Variants in CAMK2D observed in about 807,000 individuals in gnomAD.
The protein encoded by CAMK2D is calcium/calmodulin dependent protein kinase II delta.
CAMK2D carries 37 observed loss-of-function variants against 84.0 expected under a neutral mutation model. That is an observed-to-expected ratio of 0.44 (90% CI 0.34 to 0.58). The LOEUF (loss-of-function observed/expected upper bound fraction) is 0.58, where lower values mean the gene tolerates loss of function less well. CAMK2D is among the 20% of genes least tolerant of loss of function. The probability of loss-of-function intolerance (pLI) is 0.02; values close to 1 mark genes in which losing one functional copy is unlikely to be tolerated. For missense variants in CAMK2D, 448 were observed against 652.5 expected (o/e 0.69, Z 3.41); for synonymous variants, 202 against 212.5 (o/e 0.95, Z 0.43).
At chr4:113,695,494 G>GT (rs1253934580) in intron 2 of CAMK2D, among the ~76,000 whole-genome samples, 6 of 151,986 alleles carry the variant, frequency 3.9e-5, no homozygotes, top group Non-Finnish European at 8.8e-5. Flanking sequence ...TGTTCCTGCA[G>GT]TTTTCCCCAT....
chr4:113,542,001 T>C (rs530482600), intron 6 of CAMK2D, among the ~76,000 whole-genome samples: 1 of 152,362 alleles, frequency 6.6e-6, no homozygotes, highest in Admixed American at 6.5e-5. Context: ...GTATGTGCTA[T>C]AAGTTTGCAA....
intron 4 of CAMK2D, among the ~76,000 whole-genome samples, chr4:113,558,077 G>C (rs1445234454): frequency 6.6e-6 from 1 of 152,084 alleles, no homozygotes; most frequent in Non-Finnish European, 1.5e-5. Context: ...TGGCTGAAAA[G>C]AGTTGGTTAC....
intron 18 of CAMK2D, among the ~76,000 whole-genome samples, chr4:113,459,537 T>C (rs890862016): frequency 6.6e-6 from 1 of 152,184 alleles, no homozygotes; most frequent in African/African-American, 2.4e-5. Context: ...TTTTTTTATA[T>C]ATAGTTTTAT....
intron 8 of CAMK2D, among the ~76,000 whole-genome samples, chr4:113,528,157 C>T (rs2098434769): frequency 6.6e-6 from 1 of 152,142 alleles, no homozygotes; most frequent in Admixed American, 6.5e-5. Flanking sequence ...TTATATAATA[C>T]ACTTTGTTTT....
At chr4:113,517,321 A>G (rs1362793944) in intron 9 of CAMK2D, among the ~76,000 whole-genome samples, 1 of 152,196 alleles carries the variant, frequency 6.6e-6, no homozygotes, top group East Asian at 1.9e-4. Flanking sequence ...AAATATTTTG[A>G]CAAAGTTCTT....
intron 2 of CAMK2D, among the ~76,000 whole-genome samples, chr4:113,756,100 C>G (rs948671058): frequency 1.3e-5 from 2 of 151,940 alleles, no homozygotes; most frequent in Non-Finnish European, 2.9e-5. Context: ...TCAATTGACT[C>G]AGAGTTCCCC....
chr4:113,623,219 T>C (rs896127285), intron 3 of CAMK2D, among the ~76,000 whole-genome samples: 2 of 152,238 alleles, frequency 1.3e-5, no homozygotes, highest in African/African-American at 4.8e-5. Flanking sequence ...ATATTTCTGT[T>C]ACTCCTACAC....
intron 6 of CAMK2D, 104 bp downstream of exon 6, chr4:113,547,540 C>T (rs2098589455): frequency 1.7e-6 from 1 of 600,882 alleles, no homozygotes; most frequent in Non-Finnish European, 2.8e-6. Flanking sequence ...GGAATAAGTC[C>T]ACACAACTTT....
chr4:113,559,101 C>T (rs184880055), intron 4 of CAMK2D, among the ~76,000 whole-genome samples: 2,112 of 150,228 alleles, frequency 0.014, 48 homozygotes, highest in East Asian at 0.11. Flanking sequence ...TAAAAAAAAA[C>T]AAATGAAAGA....
intron 2 of CAMK2D, among the ~76,000 whole-genome samples, chr4:113,678,612 G>A (rs74770597): frequency 0.022 from 3,342 of 151,824 alleles, 52 homozygotes; most frequent in East Asian, 0.076. Context: ...TGTTTATGTC[G>A]GGAACATACA....
At chr4:113,710,062 A>G (rs1346377754) in intron 2 of CAMK2D, among the ~76,000 whole-genome samples, 1 of 151,920 alleles carries the variant, frequency 6.6e-6, no homozygotes, top group Non-Finnish European at 1.5e-5. Flanking sequence ...GTTCACCAGA[A>G]TCTCAGAACT....
In CAMK2D at chr4:113,761,205, G is replaced by C; in HGVS notation, c.-137C>G. The C allele has an allele frequency of 1.3e-6, 2 of 1,549,254 alleles. No individual in the cohort carries two copies. Among genetic ancestry groups the C allele is most frequent in the Non-Finnish European group, 1.7e-6 (2 of 1,153,178 alleles). Reference sequence around the variant, plus strand: ...TTCCTGGTCCGAAAGTAGCTCGCCCGCGAGGGAGTGTGCGCAGGGGCGGGG... The same window carrying C: ...TTCCTGGTCCGAAAGTAGCTCGCCCCCGAGGGAGTGTGCGCAGGGGCGGGG... On this transcript the variant is annotated 5_prime_UTR_variant, in exon 1 of 21. Coordinates refer to ENST00000511664, the MANE Select transcript of CAMK2D (RefSeq NM_001321571.2).
rs777706249 is a variant in CAMK2D at position 113,502,975 on chromosome 4, C to G, written c.1047G>C (p.Glu349Asp). The G allele has an allele frequency of 2.4e-5, 38 of 1,603,552 alleles. No individual in the cohort carries two copies. The East Asian group carries it at 8.5e-4, about 36-fold the overall frequency. Residue 349 changes from glutamate (E) to aspartate (D), a missense_variant and splice_region_variant, in exon 15 of 21, where the codon GAG becomes GAC. By Grantham distance (45) the Glu-to-Asp change is conservative. This residue lies in a region of CAMK2D where 219 missense variants were observed against 272.1 expected (regional missense o/e 0.80). Transcript: ENST00000511664. ...GGTTGTGGATTACAGTAGTTTGGGG[C>G]TCCTGAGTGAGAACAAAATAGAGAA... ...PKENIPTPAL[E>D]PQTTVIHNPD...
chr4:113,622,009 C>A (rs2099048247), intron 3 of CAMK2D, among the ~76,000 whole-genome samples: 1 of 152,132 alleles, frequency 6.6e-6, no homozygotes, highest in African/African-American at 2.4e-5. Context: ...CTCATTAAAT[C>A]AAACAACATA....
At chr4:113,705,927 C>G (rs2099451475) in intron 2 of CAMK2D, among the ~76,000 whole-genome samples, 2 of 152,184 alleles carry the variant, frequency 1.3e-5, no homozygotes, top group Middle Eastern at 3.4e-3. Flanking sequence ...CTCCAAAAAC[C>G]TGTAACACCA....
intron 16 of CAMK2D, among the ~76,000 whole-genome samples, chr4:113,495,947 G>T (rs2097921903): frequency 6.6e-6 from 1 of 152,158 alleles, no homozygotes; most frequent in South Asian, 2.1e-4. Flanking sequence ...CAAGAATGCT[G>T]GGAAACATAA....
chr4:113,660,237 C>T (rs2154311157), intron 3 of CAMK2D, among the ~76,000 whole-genome samples: 1 of 152,258 alleles, frequency 6.6e-6, no homozygotes, highest in African/African-American at 2.4e-5. Context: ...ATCCAGTTTA[C>T]ACATATTTCT....
chr4:113,458,610 C>T (rs2097333500), intron 18 of CAMK2D, among the ~76,000 whole-genome samples: 1 of 152,106 alleles, frequency 6.6e-6, no homozygotes, highest in South Asian at 2.1e-4. Flanking sequence ...ACATGAGATG[C>T]TATCAGAACA....
intron 4 of CAMK2D, among the ~76,000 whole-genome samples, chr4:113,571,217 G>A (rs1024488507): frequency 4.6e-5 from 7 of 152,150 alleles, no homozygotes; most frequent in Non-Finnish European, 7.3e-5. Flanking sequence ...CAGCCATTAT[G>A]GAAAATAGTG....
Sources: allele counts gnomAD v4.1 joint callset (sites outside exome capture counted in the v4.1 genomes callset), GRCh38; gene constraint gnomAD v4.1.1; regional missense constraint gnomAD v4.1.1; transcripts MANE v1.5; gene names NCBI Gene and HGNC (gene_info 2026-07-23, HGNC 2026-07-21).